CCDC32: variants seen among roughly 807,000 people sequenced by gnomAD.
The protein encoded by CCDC32 is coiled-coil domain-containing protein 32.
CCDC32 carries 9 observed loss-of-function variants against 20.1 expected under a neutral mutation model. That is an observed-to-expected ratio of 0.45 (90% CI 0.27 to 0.78). The LOEUF is 0.78. Among genes scored for constraint, CCDC32 ranks in the 30% least tolerant of loss-of-function variants. The probability of loss-of-function intolerance (pLI) is 0.16; values close to 1 mark genes in which losing one functional copy is unlikely to be tolerated. For synonymous variants in CCDC32, 63 were observed against 79.0 expected (o/e 0.80, Z 1.07); for missense variants, 204 against 215.5 (o/e 0.95, Z 0.33).
chr15:40,532,021 G>T (rs540656797), downstream of CCDC32: 19 of 327,274 alleles, frequency 5.8e-5, no homozygotes, highest in Admixed American at 6.7e-4. Context: ...TGGAGGTTCC[G>T]GTTTCTTCTG....
At chr15:40,524,127 T>TA (rs1219202278), downstream of CCDC32, among the ~76,000 whole-genome samples, 8 of 147,120 alleles carry the variant, frequency 5.4e-5, no homozygotes, top group Non-Finnish European at 8.9e-5. Context: ...AAATTATTGA[T>TA]ACACACAACA....
At chr15:40,528,731 C>T in exon 4 of CCDC32, 1 of 701,126 alleles carries the variant, frequency 1.4e-6, no homozygotes, top group South Asian at 1.5e-5. Context: ...TGGGAAACTT[C>T]TTCCGTCCTC....
chr15:40,552,739 T>C (rs1889945136), downstream of CCDC32: 1 of 111,928 alleles, frequency 8.9e-6, no homozygotes. Context: ...ATTGTACCAT[T>C]GCACTCCAGC....
At chr15:40,557,078 T>C (rs935105503) in intron 3 of CCDC32, 138 bp downstream of exon 3, 1 of 932,936 alleles carries the variant, frequency 1.1e-6, no homozygotes, top group African/African-American at 1.7e-5. Context: ...CTCTATTCAA[T>C]CTGTGACCAA....
At chr15:40,528,926 G>C (rs921827568) in intron 3 of CCDC32, 1 of 607,180 alleles carries the variant, frequency 1.6e-6, no homozygotes, top group Non-Finnish European at 2.9e-6. Flanking sequence ...CACGTGCTGA[G>C]TGGTATTCAG....
intron 3 of CCDC32, among the ~76,000 whole-genome samples, chr15:40,546,157 G>A (rs1889608563): frequency 6.6e-6 from 1 of 150,498 alleles, no homozygotes; most frequent in South Asian, 2.1e-4. Context: ...TTTATTTCTA[G>A]CATTTCCATT....
chr15:40,521,505 A>G, the CCDC32 span, among the ~76,000 whole-genome samples: 4 of 152,208 alleles, frequency 2.6e-5, no homozygotes, highest in Non-Finnish European at 5.9e-5. Flanking sequence ...TGCTATGAAT[A>G]TTCATATACA....
chr15:40,553,323 A>G lies in CCDC32; in HGVS notation c.*648T>C. 1 of 985,434 alleles carries G rather than the reference A, an allele frequency of 1.0e-6. No homozygotes were observed. The highest frequency in any genetic ancestry group is 1.2e-6 in the Non-Finnish European group (1 of 829,932). The allele number at this position is 985,434 out of a possible 1,614,324, so 61.0% of individuals were successfully genotyped here. ...AGAAGCCATGCATGAAGTAAAAAAT[A>G]CATATACACAGACATAAACACCCAC... On this transcript the variant is annotated 3_prime_UTR_variant, in exon 4 of 4. Transcript: ENST00000416810.
At chr15:40,541,333 ATTTT>A (rs11337977) in intron 3 of CCDC32, among the ~76,000 whole-genome samples, 10 of 139,732 alleles carry the variant, frequency 7.2e-5, no homozygotes, top group Non-Finnish European at 9.4e-5. Context: ...GAGCTGTAAT[ATTTT>A]TTTTTTTTTT....
At chr15:40,538,391 C>G (rs1442811582), downstream of CCDC32, 1 of 152,226 alleles carries the variant, frequency 6.6e-6, no homozygotes, top group Non-Finnish European at 1.5e-5. Context: ...TGGAGCTCAC[C>G]TGAGGCTGCC....
At chr15:40,563,982 G>A (rs1266025005) in intron 1 of CCDC32, among the ~76,000 whole-genome samples, 2 of 151,972 alleles carry the variant, frequency 1.3e-5, no homozygotes, top group East Asian at 1.9e-4. Context: ...CACCACGCCC[G>A]GCTAATTTTT....
chr15:40,543,456 G>A (rs776174859), intron 3 of CCDC32, among the ~76,000 whole-genome samples: 34 of 151,962 alleles, frequency 2.2e-4, no homozygotes, highest in Non-Finnish European at 4.0e-4. Context: ...TTTTGTTGTT[G>A]TTGTTGTTGT....
downstream of CCDC32, among the ~76,000 whole-genome samples, chr15:40,526,908 A>AAAT (rs1000380380): frequency 1.9e-4 from 29 of 152,264 alleles, no homozygotes; most frequent in African/African-American, 6.7e-4. Flanking sequence ...TGACTCATAA[A>AAAT]AATAATAATA....
At chr15:40,564,575 A>G (rs1890892138) in intron 1 of CCDC32, among the ~76,000 whole-genome samples, 1 of 152,072 alleles carries the variant, frequency 6.6e-6, no homozygotes, top group Admixed American at 6.6e-5. Context: ...TCAAGAGGAG[A>G]CTTAGAAATC....
chr15:40,524,739 C>CTTTTTTTTTTTTTTTTTTTTTTTTTTT (rs758786719), downstream of CCDC32, among the ~76,000 whole-genome samples: 2 of 95,244 alleles, frequency 2.1e-5, no homozygotes, highest in African/African-American at 1.1e-4. Context: ...CTTTTTCTTT[C>CTTTTTTTTTTTTTTTTTTTTTTTTTTT]TTTTTTTTTT....
At chr15:40,550,751 C>T (rs1889819091), downstream of CCDC32, among the ~76,000 whole-genome samples, 1 of 152,212 alleles carries the variant, frequency 6.6e-6, no homozygotes, top group Non-Finnish European at 1.5e-5. Flanking sequence ...GCTCCTCTCA[C>T]ACCGCACCCA....
intron 1 of CCDC32, 136 bp downstream of exon 1, chr15:40,564,840 C>T: frequency 3.7e-6 from 6 of 1,610,398 alleles, no homozygotes; most frequent in Non-Finnish European, 4.2e-6. Flanking sequence ...CGTCCAGATC[C>T]CAGGCCTCAG....
At chr15:40,546,238 C>T (rs189405627) in intron 3 of CCDC32, among the ~76,000 whole-genome samples, 48 of 150,566 alleles carry the variant, frequency 3.2e-4, no homozygotes, top group Admixed American at 8.6e-4. Flanking sequence ...GTCACCCAGG[C>T]TGGAGGGCAG....
downstream of CCDC32, among the ~76,000 whole-genome samples, chr15:40,524,812 G>A (rs963063806): frequency 7.9e-6 from 1 of 126,686 alleles, no homozygotes; most frequent in Non-Finnish European, 1.6e-5. Flanking sequence ...CTACAGCCTC[G>A]ACCTCCTGGG....
Sources: allele counts gnomAD v4.1 joint callset (sites outside exome capture counted in the v4.1 genomes callset), GRCh38; gene constraint gnomAD v4.1.1; transcripts MANE v1.5; gene names NCBI Gene and HGNC (gene_info 2026-07-23, HGNC 2026-07-21).